The following GRIA4 variants were observed in gnomAD, a reference collection of about 807,000 sequenced individuals.
GRIA4 encodes the protein glutamate ionotropic receptor AMPA type subunit 4.
A neutral mutation model predicts 104.0 loss-of-function variants in GRIA4; 34 were observed. The observed-to-expected ratio is 0.33, with a 90% confidence interval of 0.25 to 0.44. The LOEUF (loss-of-function observed/expected upper bound fraction) is 0.44, where lower values mean the gene tolerates loss of function less well. Among genes scored for constraint, GRIA4 ranks in the 20% least tolerant of loss-of-function variants. The pLI, the probability that GRIA4 is intolerant of heterozygous loss-of-function variation, is 1.00. For synonymous variants in GRIA4, 386 were observed against 381.9 expected (o/e 1.01, Z -0.13); for missense variants, 750 against 1,096.5 (o/e 0.68, Z 4.46).
chr11:105,687,103 A>G (rs1222550971), intron 3 of GRIA4, among the ~76,000 whole-genome samples: 1 of 152,066 alleles, frequency 6.6e-6, no homozygotes, highest in Non-Finnish European at 1.5e-5. Context: ...TTTTTGTAGC[A>G]ATTGCTTTTG....
chr11:105,616,867 T>C (rs1950614284), intron 3 of GRIA4, among the ~76,000 whole-genome samples: 2 of 151,664 alleles, frequency 1.3e-5, no homozygotes, highest in South Asian at 2.1e-4. Context: ...TCTTTAGTTT[T>C]ATATTTTTTC....
chr11:105,743,628 A>G (rs775019541), intron 3 of GRIA4, among the ~76,000 whole-genome samples: 29 of 152,120 alleles, frequency 1.9e-4, no homozygotes, highest in Non-Finnish European at 4.0e-4. Flanking sequence ...ATTTTCTTAC[A>G]TGCAACTACC....
rs555752544 is a variant in GRIA4 at position 105,675,669 on chromosome 11, T to C, written c.247+63235T>C. 5.3e-5 allele frequency among the ~76,000 whole-genome samples: 8 copies of C among 151,910 alleles called. No homozygotes were observed. In the Middle Eastern group the frequency reaches 0.01, roughly 194 times the overall value. ...GTTACTCTCAGTGTTTCCTATAATC[T>C]TGAAATCAGAAAACCATGTCTCTGT... is the stretch of plus-strand genomic sequence containing the variant. On this transcript the variant is annotated intron_variant, in intron 3 of 16. Coordinates refer to ENST00000282499, the MANE Select transcript of GRIA4 (RefSeq NM_000829.4).
chr11:105,751,766 T>C (rs1940012936), intron 3 of GRIA4, among the ~76,000 whole-genome samples: 1 of 152,198 alleles, frequency 6.6e-6, no homozygotes, highest in Non-Finnish European at 1.5e-5. Context: ...CATAGAAAAC[T>C]GTGTTAAAAT....
intron 4 of GRIA4, among the ~76,000 whole-genome samples, chr11:105,844,752 A>G (rs1278335044): frequency 1.3e-5 from 2 of 152,186 alleles, no homozygotes; most frequent in African/African-American, 2.4e-5. Context: ...TGCTGCTGCT[A>G]CCATTACTGC....
intron 4 of GRIA4, among the ~76,000 whole-genome samples, chr11:105,825,592 T>C (rs1565265947): frequency 6.6e-6 from 1 of 152,014 alleles, no homozygotes; most frequent in Non-Finnish European, 1.5e-5. Context: ...TCAGCAAGAA[T>C]ACAGTAATTT....
intron 3 of GRIA4, among the ~76,000 whole-genome samples, chr11:105,731,081 T>A (rs1365982371): frequency 5.3e-5 from 8 of 151,820 alleles, no homozygotes; most frequent in Admixed American, 4.6e-4. Flanking sequence ...ATCATCAGAG[T>A]AAACAGAAAA....
intron 6 of GRIA4, among the ~76,000 whole-genome samples, chr11:105,893,860 A>C (rs2136115688): frequency 6.6e-6 from 1 of 152,318 alleles, no homozygotes; most frequent in Admixed American, 6.5e-5. Flanking sequence ...ATAGAAGCAA[A>C]CCAATGTTCA....
intron 5 of GRIA4, among the ~76,000 whole-genome samples, chr11:105,871,607 T>A (rs1181296995): frequency 6.6e-6 from 1 of 151,788 alleles, no homozygotes; most frequent in Non-Finnish European, 1.5e-5. Flanking sequence ...TCTTTATGAA[T>A]CCACTTCAGA....
chr11:105,731,085 C>T (rs1017832429), intron 3 of GRIA4, among the ~76,000 whole-genome samples: 2 of 152,056 alleles, frequency 1.3e-5, no homozygotes, highest in Non-Finnish European at 2.9e-5. Flanking sequence ...TCAGAGTAAA[C>T]AGAAAACCTA....
intron 4 of GRIA4, among the ~76,000 whole-genome samples, chr11:105,843,081 G>C (rs927589040): frequency 6.6e-6 from 1 of 152,186 alleles, no homozygotes; most frequent in Non-Finnish European, 1.5e-5. Flanking sequence ...TGTCCTCAGA[G>C]CCGTGAAAGC....
intron 3 of GRIA4, among the ~76,000 whole-genome samples, chr11:105,701,516 C>T (rs1168736719): frequency 6.6e-6 from 1 of 151,994 alleles, no homozygotes; most frequent in African/African-American, 2.4e-5. Context: ...AACACATCTA[C>T]TACGTATTGA....
At chr11:105,875,248 A>G (rs998134133) in intron 5 of GRIA4, among the ~76,000 whole-genome samples, 3 of 152,178 alleles carry the variant, frequency 2.0e-5, no homozygotes, top group African/African-American at 7.2e-5. Context: ...CCAGCCTCAC[A>G]TCTCAGGGAT....
At chr11:105,942,022 A>C (rs1268564187) in intron 14 of GRIA4, among the ~76,000 whole-genome samples, 1 of 152,178 alleles carries the variant, frequency 6.6e-6, no homozygotes, top group African/African-American at 2.4e-5. Context: ...AAGCATTATC[A>C]GCAAGTATAC....
intron 3 of GRIA4, among the ~76,000 whole-genome samples, chr11:105,720,740 G>A (rs1295418961): frequency 6.6e-6 from 1 of 152,098 alleles, no homozygotes; most frequent in African/African-American, 2.4e-5. Flanking sequence ...TGTGCAAATG[G>A]GTTGAGTAGA....
At chr11:105,893,930 G>A (rs187030804) in intron 6 of GRIA4, among the ~76,000 whole-genome samples, 44 of 152,276 alleles carry the variant, frequency 2.9e-4, no homozygotes, top group African/African-American at 8.2e-4. Context: ...AGAAACATAG[G>A]TTTACTTTCT....
chr11:105,616,610 C>T (rs2135256539), intron 3 of GRIA4, among the ~76,000 whole-genome samples: 1 of 151,406 alleles, frequency 6.6e-6, no homozygotes, highest in East Asian at 1.9e-4. Context: ...TTTTCTTTTC[C>T]AGGATCATGA....
At chr11:105,622,988 G>A (rs73632919) in intron 3 of GRIA4, among the ~76,000 whole-genome samples, 1,633 of 148,088 alleles carry the variant, frequency 0.011, 36 homozygotes, top group African/African-American at 0.039. Flanking sequence ...ATGGCCTCTA[G>A]TTCCATCTGT....
chr11:105,659,312 T>C (rs1220088751), intron 3 of GRIA4, among the ~76,000 whole-genome samples: 2 of 152,128 alleles, frequency 1.3e-5, no homozygotes, highest in East Asian at 3.9e-4. Context: ...TTGGCTCAAT[T>C]CTGAACAAGT....
Sources: gnomAD v4.1 joint callset for allele counts (sites outside exome capture counted in the v4.1 genomes callset) on GRCh38, gnomAD v4.1.1 for gene constraint, MANE v1.5 for transcripts, NCBI Gene and HGNC (gene_info 2026-07-23, HGNC 2026-07-21) for gene names.